SPRED2: variants seen among roughly 807,000 people sequenced by gnomAD.
SPRED2 encodes the protein sprouty-related, EVH1 domain-containing protein 2.
In SPRED2, 47 loss-of-function variants were observed where a neutral mutation model predicts 43.0. That is an observed-to-expected ratio of 1.09 (90% CI 0.87 to 1.40). SPRED2 has a LOEUF of 1.40. Among genes scored for constraint, SPRED2 ranks in the 40% most tolerant of loss-of-function variants. The pLI, the probability that SPRED2 is intolerant of heterozygous loss-of-function variation, is 0.00. For missense variants in SPRED2, 561 were observed against 586.4 expected, an observed-to-expected ratio of 0.96 and a Z score of 0.45; for synonymous variants, 225 against 225.7, an observed-to-expected ratio of 1.00 and a Z score of 0.03.
intron 5 of SPRED2, among the ~76,000 whole-genome samples, chr2:65,315,213 G>A (rs1658787935): frequency 6.6e-6 from 1 of 152,192 alleles, no homozygotes; most frequent in African/African-American, 2.4e-5. Context: ...GTTGAGGAAC[G>A]TGGCTCTGGA....
rs1056673659 is a variant in SPRED2, at chr2:65,312,355, C to T, written c.*1146G>A. ...ATGTGAAATTGAGTCCAAAATGAAA[C>T]GAAAACATAAACCCATGAAGAAAAT... On this transcript the variant is annotated 3_prime_UTR_variant, in exon 6 of 6. Coordinates refer to ENST00000356388, the MANE Select transcript of SPRED2 (RefSeq NM_181784.3). 2.0e-5 allele frequency: 20 copies of T among 985,132 alleles called. No individual in the cohort carries two copies. The Admixed American group carries it at 4.3e-4, about 21-fold the overall frequency. 61.0% of individuals were successfully genotyped at this position (985,132 alleles called of 1,614,324 possible). A position where few individuals can be genotyped will look rare whatever the true frequency, so the allele number is the denominator to read the frequency against.
chr2:65,351,454 C>T lies in SPRED2; in HGVS notation c.27-6558G>A, dbSNP rs546752273. ...TCTCCATTATGCTCAACATTAGATT[C>T]ACTTCCTCCCAGCCTCTTCTCCACT... On this transcript the variant is annotated intron_variant, in intron 1 of 5. Transcript: ENST00000356388. Among the ~76,000 whole-genome samples, 19 of 152,192 alleles carry T rather than the reference C, an allele frequency of 1.2e-4. No individual in the cohort carries two copies. In the South Asian group the frequency reaches 2.5e-3, roughly 20 times the overall value.
rs68086040 is a variant in SPRED2, at chr2:65,322,270, C to CTA, written c.439-5389_439-5388dup. On this transcript the variant is annotated intron_variant, in intron 4 of 5. Transcript: ENST00000356388. ...TCTCTCTCTCTCTCTCTCTCTCTCTCTATATATATATATATATATATATAT... is the reference window on the plus strand; with the variant it reads ...TCTCTCTCTCTCTCTCTCTCTCTCTCTATATATATATATATATATATATATAT... Among the ~76,000 whole-genome samples, 266 of 36,414 alleles carry CTA rather than the reference C, an allele frequency of 7.3e-3. 2 individuals are homozygous for CTA. Among genetic ancestry groups the CTA allele is most frequent in the Middle Eastern group, 0.022 (1 of 46 alleles). 23.9% of individuals were successfully genotyped at this position (36,414 alleles called of 152,430 possible). A position where few individuals can be genotyped will look rare whatever the true frequency, so the allele number is the denominator to read the frequency against.
intron 1 of SPRED2, among the ~76,000 whole-genome samples, chr2:65,415,628 C>T (rs1165497607): frequency 3.3e-5 from 5 of 152,232 alleles, no homozygotes; most frequent in Admixed American, 6.5e-5. Context: ...AGGAAAATTT[C>T]TGAAAACATT....
chr2:65,377,549 G>A, intron 1 of SPRED2: 1 of 471,118 alleles, frequency 2.1e-6, no homozygotes, highest in Admixed American at 2.3e-5. Context: ...CATAGAGGGG[G>A]AACACTGTGG....
At chr2:65,409,965 G>T (rs1402803287) in intron 1 of SPRED2, among the ~76,000 whole-genome samples, 1 of 151,628 alleles carries the variant, frequency 6.6e-6, no homozygotes, top group Non-Finnish European at 1.5e-5. Context: ...GGGAGGTGGA[G>T]GTTGCAGTGA....
intron 1 of SPRED2, among the ~76,000 whole-genome samples, chr2:65,350,865 G>C (rs1193180815): frequency 1.3e-5 from 2 of 152,234 alleles, no homozygotes; most frequent in African/African-American, 4.8e-5. Context: ...GTCTCACAAA[G>C]AATGTGTGCT....
chr2:65,312,796 C>T lies in SPRED2; in HGVS notation c.*705G>A, dbSNP rs1217678723. On this transcript the variant is annotated 3_prime_UTR_variant, in exon 6 of 6. Coordinates refer to ENST00000356388, the MANE Select transcript of SPRED2 (RefSeq NM_181784.3). Reference sequence around the variant, plus strand: ...TTAAGGCTCAATTCTCAGTCTATTACGGGTGAATGTTTTGCATCAGTGAAT... The same window carrying T: ...TTAAGGCTCAATTCTCAGTCTATTATGGGTGAATGTTTTGCATCAGTGAAT... The T allele has an allele frequency of 1.7e-5, 17 of 985,664 alleles. 1 individual carries two copies. The highest frequency in any genetic ancestry group is 1.9e-5 in the Non-Finnish European group (16 of 829,936). 61.1% of individuals were successfully genotyped at this position (985,664 alleles called of 1,614,324 possible).
At chr2:65,394,938 T>G (rs1269320533) in intron 1 of SPRED2, among the ~76,000 whole-genome samples, 1 of 152,244 alleles carries the variant, frequency 6.6e-6, no homozygotes, top group Non-Finnish European at 1.5e-5. Flanking sequence ...GATTTTTATC[T>G]ATTTTCTGAC....
intron 1 of SPRED2, among the ~76,000 whole-genome samples, chr2:65,423,296 T>C (rs1039546119): frequency 6.6e-6 from 1 of 152,208 alleles, no homozygotes; most frequent in Non-Finnish European, 1.5e-5. Flanking sequence ...ATATCAGGAA[T>C]GGCGTAGGGA....
chr2:65,308,395 C>G, downstream of SPRED2: 1 of 985,480 alleles, frequency 1.0e-6, no homozygotes, highest in East Asian at 1.1e-4. Flanking sequence ...GAGCTGTGAA[C>G]ATACCTGGAG....
At chr2:65,364,907 C>T (rs1454445223) in intron 1 of SPRED2, among the ~76,000 whole-genome samples, 1 of 152,072 alleles carries the variant, frequency 6.6e-6, no homozygotes, top group Non-Finnish European at 1.5e-5. Flanking sequence ...TTGAGTGTGG[C>T]ATTCACCAAA....
chr2:65,401,802 A>AAAATAAAT (rs899768223), intron 1 of SPRED2, among the ~76,000 whole-genome samples: 1 of 151,920 alleles, frequency 6.6e-6, no homozygotes, highest in African/African-American at 2.4e-5. Context: ...TCTGTCTCAA[A>AAAATAAAT]AAATAAATAA....
intron 1 of SPRED2, among the ~76,000 whole-genome samples, chr2:65,363,008 T>TG (rs1674866601): frequency 1.4e-5 from 2 of 138,354 alleles, no homozygotes; most frequent in Non-Finnish European, 1.5e-5. Flanking sequence ...ATGTTTTGTT[T>TG]TTTTTTTTTT....
intron 1 of SPRED2, among the ~76,000 whole-genome samples, chr2:65,349,054 A>T (rs1674431516): frequency 6.6e-6 from 1 of 152,202 alleles, no homozygotes; most frequent in Admixed American, 6.5e-5. Flanking sequence ...CACGCCTGTA[A>T]TCCCAGCACT....
intron 1 of SPRED2, among the ~76,000 whole-genome samples, chr2:65,354,665 T>C (rs1674599154): frequency 6.6e-6 from 1 of 152,042 alleles, no homozygotes; most frequent in Non-Finnish European, 1.5e-5. Flanking sequence ...TTAAATCTTT[T>C]CAGCATTTTA....
intron 1 of SPRED2, among the ~76,000 whole-genome samples, chr2:65,418,597 G>A (rs954373627): frequency 6.7e-6 from 1 of 150,216 alleles, no homozygotes; most frequent in African/African-American, 2.5e-5. Flanking sequence ...TTTGTTGCCC[G>A]GGCTGGAGCA....
In SPRED2 at chr2:65,410,857, C is replaced by A. The variant is rs192290843; in HGVS notation, c.26+21105G>T. Among the ~76,000 whole-genome samples, 761 of 152,198 alleles carry A rather than the reference C, an allele frequency of 5.0e-3. 3 individuals are homozygous for A. The highest frequency in any genetic ancestry group is 8.0e-3 in the Non-Finnish European group (544 of 68,008). On this transcript the variant is annotated intron_variant, in intron 1 of 5. Coordinates refer to ENST00000356388, the MANE Select transcript of SPRED2 (RefSeq NM_181784.3). ...GCTTGAAAGATGTAATGCAGAGGGTCTATCGTGAGACGGGAAGGAGCCTAT... is the reference window on the plus strand; with the variant it reads ...GCTTGAAAGATGTAATGCAGAGGGTATATCGTGAGACGGGAAGGAGCCTAT...
chr2:65,337,343 A>C (rs1432198923), intron 2 of SPRED2, among the ~76,000 whole-genome samples: 1 of 152,214 alleles, frequency 6.6e-6, no homozygotes, highest in Non-Finnish European at 1.5e-5. Flanking sequence ...GAAAGGCTTT[A>C]AAAAATACCC....
Sources: allele counts gnomAD v4.1 joint callset (sites outside exome capture counted in the v4.1 genomes callset), GRCh38; gene constraint gnomAD v4.1.1; transcripts MANE v1.5; gene names NCBI Gene and HGNC (gene_info 2026-07-23, HGNC 2026-07-21).